OR6C4: variants seen among roughly 807,000 people sequenced by gnomAD.
OR6C4 encodes olfactory receptor family 6 subfamily C member 4.
Under a neutral mutation model 15.1 loss-of-function variants are expected in OR6C4, and 20 were observed. That is an observed-to-expected ratio of 1.32 (90% CI 0.93 to 1.92). The LOEUF is 1.92. Ranked by LOEUF, OR6C4 falls within the 30% of genes most tolerant of loss-of-function variation. The pLI is 0.00. For synonymous variants in OR6C4, 179 were observed against 134.2 expected, an observed-to-expected ratio of 1.33 and a Z score of -2.31; for missense variants, 491 against 363.2, an observed-to-expected ratio of 1.35 and a Z score of -2.86.
chr12:55,551,688 CT>C lies in OR6C4; in HGVS notation c.464del (p.Leu155TyrfsTer6). On this transcript the variant is annotated frameshift_variant, in exon 2 of 2. Coordinates refer to ENST00000641569, the MANE Select transcript of OR6C4 (RefSeq NM_001005494.2). LOFTEE classifies it high-confidence loss of function. ...CSWLGGFLAI[L>X]PPIILMTQVD... ...CCTGGTTGGGGGGATTCCTAGCAAT[CT>C]TACCACCAATCATCCTGATGACCCA... 1 of 1,613,874 alleles carries C rather than the reference CT, an allele frequency of 6.2e-7. No homozygotes were observed. The highest frequency in any genetic ancestry group is 8.5e-7 in the Non-Finnish European group (1 of 1,179,868).
In OR6C4 at chr12:55,553,406, G is replaced by T. The variant is rs149881426; in HGVS notation, c.*1250G>T. 8 of 152,176 alleles carry T rather than the reference G, an allele frequency of 5.3e-5. No individual in the cohort carries two copies. In the East Asian group the frequency reaches 1.5e-3, roughly 29 times the overall value. 9.4% of individuals were successfully genotyped at this position (152,176 alleles called of 1,614,324 possible). A position where few individuals can be genotyped will look rare whatever the true frequency, so the allele number is the denominator to read the frequency against. ...GGAACACAATCTGGTATTTTCACAT[G>T]CTTTATATGTGGTAATATGTTGAGT... is the stretch of plus-strand genomic sequence containing the variant. On this transcript the variant is annotated 3_prime_UTR_variant, in exon 2 of 2. Coordinates refer to ENST00000641569, the MANE Select transcript of OR6C4 (RefSeq NM_001005494.2).
rs138209946 is a variant in OR6C4 at position 55,551,854 on chromosome 12, G to A, written c.628G>A (p.Val210Met). Reference protein sequence around the residue: ...LAVVTLMVTLVLVTLSYTYII... With the variant: ...LAVVTLMVTLMLVTLSYTYII... Reference sequence around the variant, plus strand: ...CGTTGTGACTCTCATGGTTACTCTGGTGCTGGTGACACTTTCTTACACATA... The same window carrying A: ...CGTTGTGACTCTCATGGTTACTCTGATGCTGGTGACACTTTCTTACACATA... Residue 210 changes from valine (V) to methionine (M), a missense_variant, in exon 2 of 2, where the codon GTG (valine) becomes ATG (methionine). Val to Met is a conservative substitution (Grantham distance 21). Transcript: ENST00000641569. The A allele has an allele frequency of 1.3e-5, 21 of 1,613,788 alleles. No individual in the cohort carries two copies. In the East Asian group the frequency reaches 4.7e-4, roughly 36 times the overall value.
rs560619694 is a variant in OR6C4 at position 55,550,580 on chromosome 12, C to T, written c.-19+462C>T. 7.2e-5 allele frequency among the ~76,000 whole-genome samples: 11 copies of T among 152,224 alleles called. No individual in the cohort carries two copies. In the East Asian group the frequency reaches 1.9e-3, roughly 27 times the overall value. On this transcript the variant is annotated intron_variant, in intron 1 of 1. Transcript: ENST00000641569. ...GAAGACTCTGAATGTGGCAGAGAAACATAAAATGTAAATTAATATGACATA... is the reference window on the plus strand; with the variant it reads ...GAAGACTCTGAATGTGGCAGAGAAATATAAAATGTAAATTAATATGACATA...
chr12:55,550,675 C>T (rs1475718230), intron 1 of OR6C4, among the ~76,000 whole-genome samples: 3 of 152,150 alleles, frequency 2.0e-5, no homozygotes, highest in Non-Finnish European at 4.4e-5. Context: ...TTCAGCATTG[C>T]CTGTGTAGGG....
chr12:55,551,313 G>T lies in OR6C4; in HGVS notation c.87G>T (p.Leu29=), dbSNP rs370216623. 1 of 1,613,514 alleles carries T rather than the reference G, an allele frequency of 6.2e-7. No individual in the cohort carries two copies. Among genetic ancestry groups the T allele is most frequent in the Non-Finnish European group, 8.5e-7 (1 of 1,179,648 alleles). Residue 29 remains leucine (L), a synonymous_variant, in exon 2 of 2, where the codon CTG becomes CTT. Transcript: ENST00000641569. The part of the protein sequence containing the change: ...PELQVMIFIF[L]FLTYMLSILG... ...TCCAAGTGATGATATTCATCTTTCT[G>T]TTCCTCACCTACATGCTAAGTATCC...
At position 55,551,800 on chromosome 12, in the gene OR6C4, CTCTT is replaced by C. The variant is rs59693527; in HGVS notation, c.575_578del (p.Leu192GlnfsTer3). ...GGAGCTTGCCTGCTCAGACACAAGC[CTCTT>C]AGAACTGATGGTCATCCTCTTGGCC... is the stretch of plus-strand genomic sequence containing the variant. On this transcript the variant is annotated frameshift_variant, in exon 2 of 2. Coordinates refer to ENST00000641569, the MANE Select transcript of OR6C4 (RefSeq NM_001005494.2). LOFTEE classifies it high-confidence loss of function. The C allele has an allele frequency of 0.01, 16,244 of 1,613,776 alleles. 1,285 individuals carry two copies. In the African/African-American group the frequency reaches 0.18, roughly 18 times the overall value.
rs1873844852 is a variant in OR6C4 at position 55,551,225 on chromosome 12, C to A, written c.-2C>A. Reference sequence around the variant, plus strand: ...TGCCTTTAGGTTTTCCGAAGGTCAACAATGAAAAACAGAACCATGTTTGGT... The same window carrying A: ...TGCCTTTAGGTTTTCCGAAGGTCAAAAATGAAAAACAGAACCATGTTTGGT... On this transcript the variant is annotated 5_prime_UTR_variant, in exon 2 of 2. Coordinates refer to ENST00000641569, the MANE Select transcript of OR6C4 (RefSeq NM_001005494.2). 6.2e-7 allele frequency: 1 copy of A among 1,601,574 alleles called. No individual in the cohort carries two copies. The highest frequency in any genetic ancestry group is 8.5e-7 in the Non-Finnish European group (1 of 1,175,304).
Position 55,555,694 on chromosome 12 carries a change from C to T in OR6C4, c.*3538C>T, listed in dbSNP as rs532812013. The T allele has an allele frequency of 6.6e-6, 1 of 152,278 alleles. No individual in the cohort carries two copies. Among genetic ancestry groups the T allele is most frequent in the East Asian group, 1.9e-4 (1 of 5,180 alleles). The allele number at this position is 152,278 out of a possible 1,614,324, so 9.4% of individuals were successfully genotyped here. ...TTGGGAGGCTAAGGTACAAGAATCA[C>T]TTGAACCAGGGAGGCAGAGGTTGTA... is the stretch of plus-strand genomic sequence containing the variant. On this transcript the variant is annotated 3_prime_UTR_variant, in exon 2 of 2. Transcript: ENST00000641569.
rs753692167 is a variant in OR6C4, at chr12:55,551,962, A to G, written c.736A>G (p.Ile246Val). The G allele has an allele frequency of 1.9e-6, 3 of 1,613,870 alleles. No individual in the cohort carries two copies. Among genetic ancestry groups the G allele is most frequent in the South Asian group, 1.1e-5 (1 of 91,066 alleles). The change falls in exon 2 of 2, where the codon ATC becomes GTC. Residue 246 changes from isoleucine (I) to valine (V), a missense_variant. Ile to Val is a conservative substitution (Grantham distance 29). Transcript: ENST00000641569. ...FSTCSSHMIVISLSYGSCMFM... is the reference protein window; with the variant it reads ...FSTCSSHMIVVSLSYGSCMFM... ...CACTTGTTCCTCCCACATGATTGTC[A>G]TCTCCCTCTCTTATGGCAGCTGCAT...
chr12:55,550,309 A>G (rs1375233509), intron 1 of OR6C4, among the ~76,000 whole-genome samples, 191 bp downstream of exon 1: 1 of 152,206 alleles, frequency 6.6e-6, no homozygotes, highest in Non-Finnish European at 1.5e-5. Context: ...AGATGCACTC[A>G]CAATACTACC....
In OR6C4 at chr12:55,551,193, C is replaced by T. The variant is rs1468232724; in HGVS notation, c.-18-16C>T. ...GAAACTCTTCAATTTTCATCATTCT[C>T]ACCTTTTGCCTTTAGGTTTTCCGAA... On this transcript the variant is annotated splice_polypyrimidine_tract_variant and intron_variant, in intron 1 of 1. Transcript: ENST00000641569. 2 of 1,437,424 alleles carry T rather than the reference C, an allele frequency of 1.4e-6. No individual in the cohort carries two copies. Among genetic ancestry groups the T allele is most frequent in the East Asian group, 2.3e-5 (1 of 43,988 alleles). 89.0% of individuals were successfully genotyped at this position (1,437,424 alleles called of 1,614,324 possible). A position where few individuals can be genotyped will look rare whatever the true frequency, so the allele number is the denominator to read the frequency against.
Position 55,551,233 on chromosome 12 carries a change from A to T in OR6C4, c.7A>T (p.Asn3Tyr), listed in dbSNP as rs764821842. The T allele has an allele frequency of 6.2e-7, 1 of 1,605,872 alleles. No homozygotes were observed. Among genetic ancestry groups the T allele is most frequent in the Non-Finnish European group, 8.5e-7 (1 of 1,177,578 alleles). ...GGTTTTCCGAAGGTCAACAATGAAA[A>T]ACAGAACCATGTTTGGTGAGTTTAT... MK[N>Y]RTMFGEFILL... Residue 3 changes from asparagine to tyrosine, a missense_variant, in exon 2 of 2, where the codon AAC becomes TAC. By Grantham distance (143) the Asn-to-Tyr change is moderately radical. Coordinates refer to ENST00000641569, the MANE Select transcript of OR6C4 (RefSeq NM_001005494.2).
rs970969683 is a variant in OR6C4, at chr12:55,554,531, A to G, written c.*2375A>G. 3 of 152,198 alleles carry G rather than the reference A, an allele frequency of 2.0e-5. No individual in the cohort carries two copies. The highest frequency in any genetic ancestry group is 7.2e-5 in the African/African-American group (3 of 41,454). The allele number at this position is 152,198 out of a possible 1,614,324, so 9.4% of individuals were successfully genotyped here. On this transcript the variant is annotated 3_prime_UTR_variant, in exon 2 of 2. Coordinates refer to ENST00000641569, the MANE Select transcript of OR6C4 (RefSeq NM_001005494.2). ...ATAAGCAAAAGGAATGACTTCACAGAGTCTGGTGCTGAGCTACCAGAATAT... is the reference window on the plus strand; with the variant it reads ...ATAAGCAAAAGGAATGACTTCACAGGGTCTGGTGCTGAGCTACCAGAATAT...
rs1323389967 is a variant in OR6C4 at position 55,554,255 on chromosome 12, G to A, written c.*2099G>A. 6.6e-6 allele frequency: 1 copy of A among 152,106 alleles called. No individual in the cohort carries two copies. The highest frequency in any genetic ancestry group is 2.4e-5 in the African/African-American group (1 of 41,424). 9.4% of individuals were successfully genotyped at this position (152,106 alleles called of 1,614,324 possible). On this transcript the variant is annotated 3_prime_UTR_variant, in exon 2 of 2. Transcript: ENST00000641569. The stretch of plus-strand genomic sequence containing the variant: ...CAACTTCATTGCCCTAGATATCTAT[G>A]GGAGAGACAGGATGTATTAACATGC...
Position 55,552,252 on chromosome 12 carries a change from A to G in OR6C4, c.*96A>G. ...TAAATTGGCCCTTGAAGATTAAAAT[A>G]GGAAAAGTATATGTCTTAATTTCAA... On this transcript the variant is annotated 3_prime_UTR_variant, in exon 2 of 2. Transcript: ENST00000641569. 1.3e-6 allele frequency: 1 copy of G among 755,178 alleles called. No homozygotes were observed. The highest frequency in any genetic ancestry group is 2.7e-5 in the East Asian group (1 of 36,388). 46.8% of individuals were successfully genotyped at this position (755,178 alleles called of 1,614,324 possible).
In OR6C4 at chr12:55,555,634, CT is replaced by C. The variant is rs1169031152; in HGVS notation, c.*3479del. 1 of 151,996 alleles carries C rather than the reference CT, an allele frequency of 6.6e-6. No individual in the cohort carries two copies. The highest frequency in any genetic ancestry group is 2.4e-5 in the African/African-American group (1 of 41,342). 9.4% of individuals were successfully genotyped at this position (151,996 alleles called of 1,614,324 possible). On this transcript the variant is annotated 3_prime_UTR_variant, in exon 2 of 2. Transcript: ENST00000641569. ...CTCTATCAAAAATACAAAAATTAGCCTGGTGTGGTGGCACGTGCCTGTAGTT... is the reference window on the plus strand; with the variant it reads ...CTCTATCAAAAATACAAAAATTAGCCGGTGTGGTGGCACGTGCCTGTAGTT...
Position 55,553,317 on chromosome 12 carries a change from T to A in OR6C4, c.*1161T>A, listed in dbSNP as rs1419733848. Reference sequence around the variant, plus strand: ...AAGCACTTTTTTTTAATCTGAGCATTTGTACACAGTTTAATAATATCTTAA... The same window carrying A: ...AAGCACTTTTTTTTAATCTGAGCATATGTACACAGTTTAATAATATCTTAA... On this transcript the variant is annotated 3_prime_UTR_variant, in exon 2 of 2. Transcript: ENST00000641569. The A allele has an allele frequency of 1.3e-5, 2 of 152,122 alleles. No individual in the cohort carries two copies. Among genetic ancestry groups the A allele is most frequent in the Non-Finnish European group, 2.9e-5 (2 of 67,994 alleles). 9.4% of individuals were successfully genotyped at this position (152,122 alleles called of 1,614,324 possible).
chr12:55,552,896 C>T lies in OR6C4; in HGVS notation c.*740C>T, dbSNP rs967634735. On this transcript the variant is annotated 3_prime_UTR_variant, in exon 2 of 2. Coordinates refer to ENST00000641569, the MANE Select transcript of OR6C4 (RefSeq NM_001005494.2). ...TTCTCCTAGACAAAATCTATTGTTT[C>T]TTTTCTTAGGTGACATTTTAAGTTA... 6.6e-6 allele frequency: 1 copy of T among 152,022 alleles called. No individual in the cohort carries two copies. Among genetic ancestry groups the T allele is most frequent in the Non-Finnish European group, 1.5e-5 (1 of 67,954 alleles). 9.4% of individuals were successfully genotyped at this position (152,022 alleles called of 1,614,324 possible).
Position 55,552,184 on chromosome 12 carries a change from T to C in OR6C4, c.*28T>C. 6.7e-7 allele frequency: 1 copy of C among 1,482,186 alleles called. No homozygotes were observed. Among genetic ancestry groups the C allele is most frequent in the Non-Finnish European group, 9.2e-7 (1 of 1,089,046 alleles). The allele number at this position is 1,482,186 out of a possible 1,614,324, so 91.8% of individuals were successfully genotyped here. ...AAGGAGATTACACTTCAAAATACAT[T>C]TTCACTTAACAAATATGCATTGAAT... On this transcript the variant is annotated 3_prime_UTR_variant, in exon 2 of 2. Coordinates refer to ENST00000641569, the MANE Select transcript of OR6C4 (RefSeq NM_001005494.2).
Sources: gnomAD v4.1 joint callset for allele counts (sites outside exome capture counted in the v4.1 genomes callset) on GRCh38, gnomAD v4.1.1 for gene constraint, MANE v1.5 for transcripts, NCBI Gene and HGNC (gene_info 2026-07-23, HGNC 2026-07-21) for gene names.